Variants in MAP2 observed in about 807,000 individuals in gnomAD.
MAP2 encodes microtubule-associated protein 2.
A neutral mutation model predicts 137.6 loss-of-function variants in MAP2; 14 were observed. The observed-to-expected ratio is 0.10, with a 90% CI of 0.07 to 0.16. The LOEUF (loss-of-function observed/expected upper bound fraction) is 0.16. Among genes scored for constraint, MAP2 ranks in the 10% least tolerant of loss-of-function variants. The probability of loss-of-function intolerance (pLI) is 1.00; values close to 1 mark genes in which losing one functional copy is unlikely to be tolerated. For missense variants in MAP2, 2,088 were observed against 2,191.5 expected (o/e 0.95, Z 0.94); for synonymous variants, 786 against 782.3 (o/e 1.00, Z -0.08).
intron 5 of MAP2, among the ~76,000 whole-genome samples, chr2:209,678,265 A>G (rs140749786): frequency 1.3e-5 from 2 of 152,202 alleles, no homozygotes; most frequent in African/African-American, 4.8e-5. Flanking sequence ...CAGAGATGTC[A>G]TAGACTTCAG....
chr2:209,558,972 A>G (rs1041002657), intron 2 of MAP2, among the ~76,000 whole-genome samples: 6 of 152,142 alleles, frequency 3.9e-5, no homozygotes, highest in Admixed American at 2.6e-4. Flanking sequence ...GTAATGAAGA[A>G]GGAATCTGTA....
intron 14 of MAP2, among the ~76,000 whole-genome samples, chr2:209,728,467 C>T (rs560857655): frequency 6.6e-6 from 1 of 152,148 alleles, no homozygotes; most frequent in South Asian, 2.1e-4. Flanking sequence ...TAAATAACAT[C>T]ATACAGTTTC....
At chr2:209,456,390 G>T (rs1160594665) in intron 1 of MAP2, among the ~76,000 whole-genome samples, 3 of 152,192 alleles carry the variant, frequency 2.0e-5, no homozygotes, top group African/African-American at 7.2e-5. Flanking sequence ...TTAAGGTAAT[G>T]TACCACATTT....
chr2:209,712,066 T>C (rs528764981), intron 13 of MAP2, among the ~76,000 whole-genome samples: 2 of 152,222 alleles, frequency 1.3e-5, no homozygotes, highest in South Asian at 2.1e-4. Flanking sequence ...TTTTATAATA[T>C]ATGATTTTCT....
intron 2 of MAP2, among the ~76,000 whole-genome samples, chr2:209,519,162 G>A (rs1441815047): frequency 6.6e-6 from 1 of 152,044 alleles, no homozygotes; most frequent in Non-Finnish European, 1.5e-5. Flanking sequence ...AAACCAGAAT[G>A]TGATGAACAT....
At chr2:209,494,980 G>C (rs1366895719) in intron 1 of MAP2, among the ~76,000 whole-genome samples, 5 of 152,180 alleles carry the variant, frequency 3.3e-5, no homozygotes, top group Non-Finnish European at 7.3e-5. Flanking sequence ...AATAATATAT[G>C]CTGGCCATAT....
intron 1 of MAP2, among the ~76,000 whole-genome samples, chr2:209,502,999 C>CT (rs71043931): frequency 0.2 from 26,373 of 130,756 alleles, 3,271 homozygotes; most frequent in East Asian, 0.37. Context: ...GATTTTTTTT[C>CT]TTTTTTTTTT....
At chr2:209,615,339 C>A (rs1312703825) in intron 3 of MAP2, among the ~76,000 whole-genome samples, 3 of 152,134 alleles carry the variant, frequency 2.0e-5, no homozygotes, top group African/African-American at 4.8e-5. Context: ...CAAAGACAAC[C>A]TCATGTCTTA....
intron 1 of MAP2, among the ~76,000 whole-genome samples, chr2:209,480,719 GA>G (rs1191122642): frequency 2.6e-5 from 4 of 152,096 alleles, no homozygotes; most frequent in Non-Finnish European, 5.9e-5. Context: ...CCTGTAAATA[GA>G]AAAAATTTTA....
At chr2:209,703,569 T>C (rs573317129) in intron 11 of MAP2, among the ~76,000 whole-genome samples, 1 of 152,264 alleles carries the variant, frequency 6.6e-6, no homozygotes, top group South Asian at 2.1e-4. Flanking sequence ...ATGTATAGAA[T>C]CATTTTTTAA....
intron 7 of MAP2, among the ~76,000 whole-genome samples, chr2:209,690,232 C>A (rs1430987063): frequency 6.6e-6 from 1 of 151,968 alleles, no homozygotes; most frequent in African/African-American, 2.4e-5. Context: ...CTTTTCACAA[C>A]CATCTGTTAT....
chr2:209,676,327 T>G (rs2051433835), intron 5 of MAP2, among the ~76,000 whole-genome samples: 1 of 151,758 alleles, frequency 6.6e-6, no homozygotes, highest in Non-Finnish European at 1.5e-5. Flanking sequence ...GGGAGCTAAA[T>G]GATGAGAACA....
At chr2:209,463,347 A>T (rs1360779646) in intron 1 of MAP2, among the ~76,000 whole-genome samples, 1 of 152,156 alleles carries the variant, frequency 6.6e-6, no homozygotes, top group Non-Finnish European at 1.5e-5. Flanking sequence ...CCATTTCTTA[A>T]CTTGTCTCAT....
At chr2:209,529,810 G>A (rs1260221385) in intron 2 of MAP2, among the ~76,000 whole-genome samples, 2 of 152,064 alleles carry the variant, frequency 1.3e-5, no homozygotes, top group South Asian at 4.1e-4. Flanking sequence ...ACTCCCATCT[G>A]TCCTAGACCA....
At position 209,695,187 on chromosome 2, in the gene MAP2, T is replaced by C; in HGVS notation, c.3017T>C (p.Ile1006Thr). Residue 1006 changes from isoleucine (I) to threonine (T), a missense_variant, in exon 8 of 16, where the codon ATA (isoleucine) becomes ACA (threonine). Ile to Thr is a moderately conservative substitution (Grantham distance 89). Transcript: ENST00000682079. ...CAAGCTTTGGCCAAAGATTTGTCAA[T>C]ACCAACAGATGCATCCTCTGAGAAA... ...YEQALAKDLSIPTDASSEKAE... is the reference protein window; with the variant it reads ...YEQALAKDLSTPTDASSEKAE... The C allele has an allele frequency of 1.2e-6, 2 of 1,614,146 alleles. No individual in the cohort carries two copies. The highest frequency in any genetic ancestry group is 1.7e-6 in the Non-Finnish European group (2 of 1,180,022).
At chr2:209,535,586 C>T (rs59883519) in intron 2 of MAP2, among the ~76,000 whole-genome samples, 1 of 150,284 alleles carries the variant, frequency 6.7e-6, no homozygotes, top group African/African-American at 2.5e-5. Flanking sequence ...CAGAAGAAAG[C>T]TGATCAATGG....
chr2:209,634,496 C>A (rs2093384857), intron 4 of MAP2, among the ~76,000 whole-genome samples: 1 of 151,948 alleles, frequency 6.6e-6, no homozygotes, highest in Admixed American at 6.6e-5. Context: ...AGGGAAAAGA[C>A]CAAGGAGGAG....
In MAP2 at chr2:209,641,493, A is replaced by G. The variant is rs140368128; in HGVS notation, c.-29-11649A>G. ...GTAGGGGTCAAAGTTTATTTGTTCA[A>G]TGGCTCCATAGTTAGTTACATACTT... On this transcript the variant is annotated intron_variant, in intron 4 of 15. Coordinates refer to ENST00000682079, the MANE Select transcript of MAP2 (RefSeq NM_001375505.1). Among the ~76,000 whole-genome samples, 182 of 151,808 alleles carry G rather than the reference A, an allele frequency of 1.2e-3. 1 individual carries two copies. The Middle Eastern group carries it at 0.02, about 17-fold the overall frequency.
chr2:209,524,290 A>G (rs1432412475), intron 2 of MAP2, among the ~76,000 whole-genome samples: 1 of 152,036 alleles, frequency 6.6e-6, no homozygotes, highest in African/African-American at 2.4e-5. Flanking sequence ...GATTTTTTTC[A>G]ACAGGCAGAA....
Sources: gnomAD v4.1 joint callset for allele counts (sites outside exome capture counted in the v4.1 genomes callset) on GRCh38, gnomAD v4.1.1 for gene constraint, MANE v1.5 for transcripts, NCBI Gene and HGNC (gene_info 2026-07-23, HGNC 2026-07-21) for gene names.